CDH13: variants seen among roughly 807,000 people sequenced by gnomAD.
The protein encoded by CDH13 is cadherin-13.
A neutral mutation model predicts 63.8 loss-of-function variants in CDH13; 24 were observed. The ratio of observed to expected loss-of-function variants is 0.38; its 90% CI spans 0.27 to 0.53. CDH13 has a LOEUF of 0.53. Ranked by LOEUF, CDH13 falls within the 20% of genes least tolerant of loss-of-function variation. CDH13 has a pLI of 0.85. For synonymous variants in CDH13, 503 were observed against 355.3 expected, an observed-to-expected ratio of 1.42 and a Z score of -4.67; for missense variants, 1,049 against 903.1, an observed-to-expected ratio of 1.16 and a Z score of -2.07.
chr16:83,661,836 C>T (rs941493078), intron 8 of CDH13, among the ~76,000 whole-genome samples: 2 of 152,152 alleles, frequency 1.3e-5, no homozygotes, highest in Admixed American at 1.3e-4. Flanking sequence ...GAGAAGTGTG[C>T]CCTGAGGGGA....
chr16:82,981,028 T>G lies in CDH13; in HGVS notation c.158-50982T>G, dbSNP rs371522269. On this transcript the variant is annotated intron_variant, in intron 2 of 13. Coordinates refer to ENST00000567109, the MANE Select transcript of CDH13 (RefSeq NM_001257.5). ...CATTTCAGCACAAAGGGAGCTCAGG[T>G]GCATCAGGAGCCCCAGCCTCCTGCG... Among the ~76,000 whole-genome samples, 149 of 152,244 alleles carry G rather than the reference T, an allele frequency of 9.8e-4. 5 individuals are homozygous for G. In the South Asian group the frequency reaches 0.03, roughly 30 times the overall value.
chr16:82,930,986 C>G (rs1362344455), intron 2 of CDH13, among the ~76,000 whole-genome samples: 1 of 152,240 alleles, frequency 6.6e-6, no homozygotes, highest in Non-Finnish European at 1.5e-5. Flanking sequence ...GCTGGTTTTA[C>G]AGGACAGAAA....
At chr16:83,511,191 G>A (rs2074555733) in intron 7 of CDH13, among the ~76,000 whole-genome samples, 1 of 152,226 alleles carries the variant, frequency 6.6e-6, no homozygotes, top group Non-Finnish European at 1.5e-5. Flanking sequence ...GCCGGGTGCG[G>A]TGGCTCACAC....
chr16:82,993,014 G>A (rs1238492983), intron 2 of CDH13, among the ~76,000 whole-genome samples: 2 of 152,156 alleles, frequency 1.3e-5, no homozygotes, highest in African/African-American at 4.8e-5. Context: ...TCCTTAAACA[G>A]GGCTTCCATT....
intron 6 of CDH13, among the ~76,000 whole-genome samples, chr16:83,394,680 T>A (rs1467631567): frequency 2.0e-5 from 3 of 152,044 alleles, no homozygotes; most frequent in Non-Finnish European, 4.4e-5. Context: ...CTGGAAGAGA[T>A]CAAAGTGGAT....
At chr16:82,679,172 A>G (rs1914267106) in intron 1 of CDH13, among the ~76,000 whole-genome samples, 1 of 152,206 alleles carries the variant, frequency 6.6e-6, no homozygotes, top group Non-Finnish European at 1.5e-5. Context: ...GTCATCCTGC[A>G]GGTTCTCTTG....
chr16:83,423,852 TG>T (rs1392120115), intron 6 of CDH13, among the ~76,000 whole-genome samples: 1 of 152,242 alleles, frequency 6.6e-6, no homozygotes, highest in East Asian at 1.9e-4. Flanking sequence ...GCCAGAGTTG[TG>T]GGGAAAGATA....
intron 2 of CDH13, among the ~76,000 whole-genome samples, chr16:82,935,601 T>C (rs979138396): frequency 2.0e-5 from 3 of 152,212 alleles, no homozygotes; most frequent in African/African-American, 7.2e-5. Context: ...TAAGCAGTGA[T>C]TCTCGAACTT....
At chr16:83,618,871 A>G (rs1484648686) in intron 8 of CDH13, among the ~76,000 whole-genome samples, 1 of 152,188 alleles carries the variant, frequency 6.6e-6, no homozygotes, top group Non-Finnish European at 1.5e-5. Context: ...CCACAGTTCC[A>G]GTGTGCTGAG....
intron 2 of CDH13, among the ~76,000 whole-genome samples, chr16:83,004,892 A>G (rs1347118527): frequency 6.6e-6 from 1 of 152,148 alleles, no homozygotes; most frequent in Non-Finnish European, 1.5e-5. Flanking sequence ...ATGGATGGAG[A>G]TGGCACTTGT....
intron 10 of CDH13, among the ~76,000 whole-genome samples, chr16:83,711,301 G>T (rs1908009155): frequency 1.3e-5 from 2 of 152,186 alleles, no homozygotes; most frequent in South Asian, 2.1e-4. Flanking sequence ...CATTCTGTGA[G>T]CAAACAATAG....
chr16:83,268,673 C>G (rs2088699698), intron 5 of CDH13, among the ~76,000 whole-genome samples: 1 of 152,204 alleles, frequency 6.6e-6, no homozygotes, highest in Admixed American at 6.5e-5. Context: ...AGTTTTAGTG[C>G]AGACATTCTT....
rs578021550 is a variant in CDH13, at chr16:82,714,107, G to A, written c.45+86970G>A. Among the ~76,000 whole-genome samples the A allele has an allele frequency of 9.9e-5, 15 of 152,214 alleles. No homozygotes were observed. In the South Asian group the frequency reaches 3.1e-3, roughly 32 times the overall value. Reference sequence around the variant, plus strand: ...AGCCACTGTACCTGAACAAGTGGGTGTTGTTTTAAGCCACTACATTTGTGG... The same window carrying A: ...AGCCACTGTACCTGAACAAGTGGGTATTGTTTTAAGCCACTACATTTGTGG... On this transcript the variant is annotated intron_variant, in intron 1 of 13. Transcript: ENST00000567109.
At chr16:82,933,462 G>T (rs537736517) in intron 2 of CDH13, among the ~76,000 whole-genome samples, 38 of 152,214 alleles carry the variant, frequency 2.5e-4, no homozygotes, top group African/African-American at 8.7e-4. Flanking sequence ...TACCATTCAA[G>T]ATGAGATTTG....
chr16:83,121,974 A>G (rs1264725875), intron 3 of CDH13, among the ~76,000 whole-genome samples: 1 of 150,774 alleles, frequency 6.6e-6, no homozygotes, highest in African/African-American at 2.5e-5. Flanking sequence ...ACACACACAC[A>G]CACACACACA....
chr16:83,059,469 G>A (rs1020198160), intron 3 of CDH13, among the ~76,000 whole-genome samples: 2 of 152,180 alleles, frequency 1.3e-5, no homozygotes, highest in Non-Finnish European at 1.5e-5. Flanking sequence ...TGCAGCTGCT[G>A]CTGAAATCAG....
At position 82,717,182 on chromosome 16, in the gene CDH13, C is replaced by T. The variant is rs151330926; in HGVS notation, c.45+90045C>T. On this transcript the variant is annotated intron_variant, in intron 1 of 13. Transcript: ENST00000567109. Reference sequence around the variant, plus strand: ...CAGGCTGGTCCTCCTGAGCCCTGGCCCAACAAGGCTCCTGAACCTGGGCCC... The same window carrying T: ...CAGGCTGGTCCTCCTGAGCCCTGGCTCAACAAGGCTCCTGAACCTGGGCCC... Among the ~76,000 whole-genome samples, 510 of 152,058 alleles carry T rather than the reference C, an allele frequency of 3.4e-3. 2 individuals are homozygous for T. Among genetic ancestry groups the T allele is most frequent in the African/African-American group, 0.012 (494 of 41,472 alleles).
At chr16:83,354,348 A>C (rs763494390) in intron 6 of CDH13, among the ~76,000 whole-genome samples, 1 of 152,212 alleles carries the variant, frequency 6.6e-6, no homozygotes, top group East Asian at 1.9e-4. Context: ...CCTTATTTCA[A>C]ATCAATTCTT....
At chr16:82,762,578 A>G (rs929734935) in intron 1 of CDH13, among the ~76,000 whole-genome samples, 2 of 152,136 alleles carry the variant, frequency 1.3e-5, no homozygotes, top group Non-Finnish European at 2.9e-5. Context: ...CTTGATCTGC[A>G]CTTCTCCCCA....
Sources: allele counts gnomAD v4.1 joint callset (sites outside exome capture counted in the v4.1 genomes callset), GRCh38; gene constraint gnomAD v4.1.1; transcripts MANE v1.5; gene names NCBI Gene and HGNC (gene_info 2026-07-23, HGNC 2026-07-21).